Variants in TMEM278 observed in about 807,000 individuals in gnomAD.
TMEM278 encodes transmembrane protein 278.
chr1:1,426,269 C>T, the TMEM278 span: 2 of 1,492,844 alleles, frequency 1.3e-6, no homozygotes, highest in African/African-American at 1.4e-5. Context: ...CCCGCTGCTG[C>T]CCGGCCGGCT....
At chr1:1,427,287 C>T in the TMEM278 span, among the ~76,000 whole-genome samples, 3 of 140,110 alleles carry the variant, frequency 2.1e-5, no homozygotes, top group Admixed American at 7.0e-5. Context: ...CCGGCCCTCA[C>T]CGCCCCTTCA....
the TMEM278 span, chr1:1,426,283 G>A: frequency 6.7e-7 from 1 of 1,497,298 alleles, no homozygotes; most frequent in Non-Finnish European, 8.9e-7. Context: ...GCCGGCTGCT[G>A]GCCGGGCTCC....
the TMEM278 span, chr1:1,427,806 A>C: frequency 7.3e-7 from 1 of 1,373,520 alleles, no homozygotes; most frequent in Non-Finnish European, 9.4e-7. Flanking sequence ...CCGCTGCGAA[A>C]CCCCGGGAGG....
chr1:1,426,476 T>C, the TMEM278 span: 1 of 1,118,050 alleles, frequency 8.9e-7, no homozygotes, highest in Non-Finnish European at 1.2e-6. Flanking sequence ...CCTTCCAGAA[T>C]TGCCCCTTGT....
chr1:1,427,329 C>T, the TMEM278 span, among the ~76,000 whole-genome samples: 1 of 134,244 alleles, frequency 7.4e-6, no homozygotes, highest in African/African-American at 2.9e-5. Context: ...CTCTCCTCCG[C>T]GCCTCCCCTT....
chr1:1,429,754 A>G, the TMEM278 span, among the ~76,000 whole-genome samples: 2,063 of 152,252 alleles, frequency 0.014, 45 homozygotes, highest in African/African-American at 0.047. Context: ...AGGCAGAGAA[A>G]CATACTTGTT....
the TMEM278 span, chr1:1,427,852 G>T: frequency 7.6e-7 from 1 of 1,309,404 alleles, no homozygotes; most frequent in Non-Finnish European, 9.7e-7. Context: ...CGCGTGGCCC[G>T]GCCCGGAAAA....
At chr1:1,426,337 C>A in the TMEM278 span, 1 of 1,451,628 alleles carries the variant, frequency 6.9e-7, no homozygotes, top group Non-Finnish European at 9.1e-7. Context: ...TGCTGGTGCT[C>A]CTGCCCGCGG....
the TMEM278 span, chr1:1,426,289 GCTCCTGCTGCAC>G: frequency 1.8e-5 from 27 of 1,498,068 alleles, no homozygotes; most frequent in Non-Finnish European, 2.3e-5. Context: ...TGCTGGCCGG[GCTCCTGCTGCAC>G]CTCCTGCTGC....
At chr1:1,427,750 G>A in the TMEM278 span, 3 of 1,311,824 alleles carry the variant, frequency 2.3e-6, no homozygotes, top group Admixed American at 3.8e-5. Context: ...CCCCCGGGGC[G>A]CCCCGACGAG....
chr1:1,430,117 T>TAA, the TMEM278 span, among the ~76,000 whole-genome samples: 2 of 152,200 alleles, frequency 1.3e-5, no homozygotes, highest in Non-Finnish European at 1.5e-5. Flanking sequence ...CTCAGCCTCC[T>TAA]AAAGTGTTGG....
At chr1:1,426,181 C>A in the TMEM278 span, 1 of 1,417,188 alleles carries the variant, frequency 7.1e-7, no homozygotes, top group South Asian at 1.5e-5. Flanking sequence ...GTGGTGCTTC[C>A]GACACAGCGC....
chr1:1,427,565 T>C, the TMEM278 span: 1 of 887,052 alleles, frequency 1.1e-6, no homozygotes, highest in Non-Finnish European at 1.3e-6. Context: ...TCCACCCCGC[T>C]CCGGGTCCCC....
the TMEM278 span, among the ~76,000 whole-genome samples, chr1:1,427,365 T>TTCCCCTCCATCACCCTGCCCTGCCCCC: frequency 1.6e-3 from 44 of 27,066 alleles, no homozygotes; most frequent in South Asian, 2.6e-3. Flanking sequence ...GCCCTGCCCC[T>TTCCCCTCCATCACCCTGCCCTGCCCCC]TCCCCTCCAT....
the TMEM278 span, among the ~76,000 whole-genome samples, chr1:1,429,200 T>C: frequency 5.9e-5 from 9 of 151,650 alleles, no homozygotes; most frequent in Admixed American, 5.9e-4. Flanking sequence ...CAAAAAAAAT[T>C]AGCTGGCCAT....
the TMEM278 span, among the ~76,000 whole-genome samples, chr1:1,429,791 C>A: frequency 6.6e-6 from 1 of 152,194 alleles, no homozygotes; most frequent in Non-Finnish European, 1.5e-5. Context: ...GCTCTCTGTC[C>A]CTGTGTGTGT....
At chr1:1,427,134 G>T in the TMEM278 span, among the ~76,000 whole-genome samples, 1 of 98,756 alleles carries the variant, frequency 1.0e-5, no homozygotes, top group Non-Finnish European at 2.1e-5. Flanking sequence ...GCCCCGCCCC[G>T]CTCTTTCATC....
chr1:1,426,498 C>T, the TMEM278 span: 7 of 861,244 alleles, frequency 8.1e-6, no homozygotes, highest in Middle Eastern at 3.9e-4. Context: ...CTCAGAGACA[C>T]GTGTGCCCCT....
At chr1:1,427,920 A>G in the TMEM278 span, 1 of 731,612 alleles carries the variant, frequency 1.4e-6, no homozygotes, top group South Asian at 3.5e-5. Context: ...CCGGCTTACG[A>G]CCCCGGCCTC....
Sources: allele counts gnomAD v4.1 joint callset (sites outside exome capture counted in the v4.1 genomes callset), GRCh38; gene constraint gnomAD v4.1.1; transcripts MANE v1.5; gene names NCBI Gene and HGNC (gene_info 2026-07-23, HGNC 2026-07-21).